Variants in RPS6KC1 observed in about 807,000 individuals in gnomAD.
RPS6KC1 encodes ribosomal protein S6 kinase C1.
In RPS6KC1, 54 loss-of-function variants were observed where a neutral mutation model predicts 103.8. The ratio of observed to expected loss-of-function variants is 0.52; its 90% CI spans 0.42 to 0.65. RPS6KC1 has a LOEUF of 0.65. RPS6KC1 is among the 30% of genes least tolerant of loss of function. RPS6KC1 has a pLI of 0.00. For missense variants in RPS6KC1, 1,151 were observed against 1,253.8 expected, an observed-to-expected ratio of 0.92 and a Z score of 1.24; for synonymous variants, 439 against 438.7, an observed-to-expected ratio of 1.00 and a Z score of -0.01.
chr1:213,617,046 A>T, the RPS6KC1 span, among the ~76,000 whole-genome samples: 1 of 152,248 alleles, frequency 6.6e-6, no homozygotes, highest in South Asian at 2.1e-4. Flanking sequence ...TGTCAATATG[A>T]TAGGTCTGAC....
the RPS6KC1 span, among the ~76,000 whole-genome samples, chr1:213,813,420 G>T: frequency 1.3e-5 from 2 of 151,470 alleles, no homozygotes; most frequent in African/African-American, 4.9e-5. Flanking sequence ...TCATCCTTCA[G>T]CTTTTCATTA....
the RPS6KC1 span, among the ~76,000 whole-genome samples, chr1:213,752,413 A>G: frequency 2.6e-5 from 4 of 152,210 alleles, no homozygotes; most frequent in Admixed American, 2.6e-4. Flanking sequence ...TTATTGACAA[A>G]TCGATGCCAG....
At chr1:213,838,186 A>T in the RPS6KC1 span, among the ~76,000 whole-genome samples, 4 of 152,116 alleles carry the variant, frequency 2.6e-5, no homozygotes, top group African/African-American at 7.2e-5. Context: ...TACAGCTTGC[A>T]CAGTTAGTGA....
intron 4 of RPS6KC1, among the ~76,000 whole-genome samples, chr1:213,105,654 A>G (rs1423340472): frequency 1.3e-5 from 2 of 152,230 alleles, no homozygotes; most frequent in East Asian, 1.9e-4. Flanking sequence ...TATAGTAACA[A>G]TAACATTTCT....
chr1:213,475,151 G>A, the RPS6KC1 span, among the ~76,000 whole-genome samples: 1 of 152,208 alleles, frequency 6.6e-6, no homozygotes, highest in Non-Finnish European at 1.5e-5. Flanking sequence ...GCACGGGGCC[G>A]TGCCATCTTG....
intron 2 of RPS6KC1, among the ~76,000 whole-genome samples, chr1:213,072,068 G>T (rs756334905): frequency 6.6e-6 from 1 of 150,796 alleles, no homozygotes; most frequent in Non-Finnish European, 1.5e-5. Flanking sequence ...CATATATCAG[G>T]ATTTTTTCCG....
chr1:213,398,872 T>C, the RPS6KC1 span, among the ~76,000 whole-genome samples: 1 of 152,144 alleles, frequency 6.6e-6, no homozygotes, highest in Non-Finnish European at 1.5e-5. Flanking sequence ...CCCCATAATA[T>C]TCTGCCTCTA....
In RPS6KC1 at chr1:213,211,382, A is replaced by G. The variant is rs544389797; in HGVS notation, c.1045-19115A>G. 5.3e-5 allele frequency among the ~76,000 whole-genome samples: 8 copies of G among 152,340 alleles called. No individual in the cohort carries two copies. In the South Asian group the frequency reaches 1.7e-3, roughly 32 times the overall value. ...ACAGACAATCAAAATGAGAATGACA[A>G]AGGTGTGGAGAGATCTAGCTTTTAA... On this transcript the variant is annotated intron_variant, in intron 8 of 14. Transcript: ENST00000366960.
the RPS6KC1 span, among the ~76,000 whole-genome samples, chr1:213,282,312 A>C: frequency 1.1e-3 from 174 of 152,224 alleles, 2 homozygotes; most frequent in East Asian, 0.026. Context: ...TGTTTTGCAA[A>C]AGTTTCTGTT....
At position 213,240,951 on chromosome 1, in the gene RPS6KC1, A is replaced by T; in HGVS notation, c.1475A>T (p.Asp492Val). The T allele has an allele frequency of 6.2e-7, 1 of 1,613,908 alleles. No individual in the cohort carries two copies. Among genetic ancestry groups the T allele is most frequent in the Non-Finnish European group, 8.5e-7 (1 of 1,179,954 alleles). The change falls in exon 11 of 15, where the codon GAT becomes GTT. Residue 492 changes from aspartate to valine, a missense_variant. Coordinates refer to ENST00000366960, the MANE Select transcript of RPS6KC1 (RefSeq NM_012424.6). ...AGCAACCAGGAAGATGATGGCCAAG[A>T]TAGCTCTCCAAAGTGGCCAGATTCT... ...DDSNQEDDGQ[D>V]SSPKWPDSGS...
chr1:213,082,341 G>A (rs1428772380), intron 3 of RPS6KC1, among the ~76,000 whole-genome samples: 1 of 152,196 alleles, frequency 6.6e-6, no homozygotes, highest in African/African-American at 2.4e-5. Flanking sequence ...TGAGGCAGGA[G>A]AATGGCATGA....
the RPS6KC1 span, among the ~76,000 whole-genome samples, chr1:213,666,242 T>C: frequency 1.3e-5 from 2 of 152,126 alleles, no homozygotes; most frequent in African/African-American, 4.8e-5. Context: ...CAGAAGTAAA[T>C]ATTTTATTCC....
the RPS6KC1 span, among the ~76,000 whole-genome samples, chr1:213,523,250 G>A: frequency 1.3e-5 from 2 of 152,218 alleles, no homozygotes; most frequent in Non-Finnish European, 2.9e-5. Context: ...TCTTACATGG[G>A]CACAGTTTGT....
At chr1:213,199,813 A>G (rs911872148) in intron 8 of RPS6KC1, among the ~76,000 whole-genome samples, 2 of 152,242 alleles carry the variant, frequency 1.3e-5, no homozygotes, top group African/African-American at 2.4e-5. Context: ...TCAATGTGCA[A>G]AAATCACTAG....
At chr1:213,477,523 T>C in the RPS6KC1 span, among the ~76,000 whole-genome samples, 1 of 152,326 alleles carries the variant, frequency 6.6e-6, no homozygotes, top group South Asian at 2.1e-4. Flanking sequence ...GAATTGTACC[T>C]TTCATCACTG....
the RPS6KC1 span, among the ~76,000 whole-genome samples, chr1:213,679,787 G>A: frequency 2.0e-5 from 3 of 152,138 alleles, no homozygotes; most frequent in Non-Finnish European, 4.4e-5. Flanking sequence ...TTGCTACATA[G>A]GACTGTACTT....
the RPS6KC1 span, among the ~76,000 whole-genome samples, chr1:213,303,249 G>C: frequency 6.6e-6 from 1 of 152,164 alleles, no homozygotes; most frequent in Non-Finnish European, 1.5e-5. Flanking sequence ...GAGAGGAGAG[G>C]ATAAAGATGT....
the RPS6KC1 span, among the ~76,000 whole-genome samples, chr1:213,648,968 T>C: frequency 6.6e-6 from 1 of 152,028 alleles, no homozygotes; most frequent in Non-Finnish European, 1.5e-5. Flanking sequence ...ATAGAGGAAA[T>C]TCACACTCTT....
At chr1:213,203,053 T>C (rs530209523) in intron 8 of RPS6KC1, among the ~76,000 whole-genome samples, 83 of 152,264 alleles carry the variant, frequency 5.5e-4, no homozygotes, top group African/African-American at 2.0e-3. Flanking sequence ...AAACAGTATA[T>C]ATGCACATTT....
Sources: gnomAD v4.1 joint callset for allele counts (sites outside exome capture counted in the v4.1 genomes callset) on GRCh38, gnomAD v4.1.1 for gene constraint, MANE v1.5 for transcripts, NCBI Gene and HGNC (gene_info 2026-07-23, HGNC 2026-07-21) for gene names.